MMAB: variants seen among roughly 807,000 people sequenced by gnomAD.
The protein encoded by MMAB is corrinoid adenosyltransferase MMAB.
Under a neutral mutation model 30.6 loss-of-function variants are expected in MMAB, and 17 were observed. That is an observed-to-expected ratio of 0.56 (90% CI 0.38 to 0.83). The LOEUF is 0.83. Ranked by LOEUF, MMAB falls within the 40% of genes least tolerant of loss-of-function variation. The pLI, the probability that MMAB is intolerant of heterozygous loss-of-function variation, is 0.00. For missense variants in MMAB, 311 were observed against 331.6 expected (o/e 0.94, Z 0.48); for synonymous variants, 134 against 138.6 (o/e 0.97, Z 0.23).
rs1265286377 is a variant in MMAB at position 109,561,612 on chromosome 12, C to T, written c.422-95G>A. ...CCGCCGCCCTTCCACCTGGGTGTCC[C>T]GCAGACTGCTTCCACTGGCTCAGAA... On this transcript the variant is annotated intron_variant, in intron 5 of 8. Transcript: ENST00000545712. The surrounding 1 kb of genome is among the most constrained non-coding windows in gnomAD (Gnocchi z 5.3). The T allele has an allele frequency of 2.0e-5, 25 of 1,265,952 alleles. No individual in the cohort carries two copies. Among genetic ancestry groups the T allele is most frequent in the East Asian group, 1.3e-4 (5 of 39,658 alleles). The allele number at this position is 1,265,952 out of a possible 1,614,324, so 78.4% of individuals were successfully genotyped here.
rs1592997663 is a variant in MMAB, at chr12:109,561,041, G to GTC, written c.581_582dup (p.Arg195AspfsTer20). On this transcript the variant is annotated frameshift_variant and splice_region_variant, in exon 7 of 9. Coordinates refer to ENST00000545712, the MANE Select transcript of MMAB (RefSeq NM_052845.4). LOFTEE classifies it high-confidence loss of function. This position sits in a 1 kb window ranked among gnomAD's most constrained non-coding sequence, Gnocchi z 5.3. Reference sequence around the variant, plus strand: ...TCTCCCTCTCTCCAGCCCTCTTACCGTCTCTCGGCCCGGCGGCACACGGCC... The same window carrying GTC: ...TCTCCCTCTCTCCAGCCCTCTTACCGTCTCTCTCGGCCCGGCGGCACACGGCC... The GTC allele has an allele frequency of 6.9e-7, 1 of 1,439,994 alleles. No individual in the cohort carries two copies. The highest frequency in any genetic ancestry group is 1.1e-5 in the South Asian group (1 of 88,694). The allele number at this position is 1,439,994 out of a possible 1,614,324, so 89.2% of individuals were successfully genotyped here.
chr12:109,564,906 G>T, intron 4 of MMAB: 1 of 655,918 alleles, frequency 1.5e-6, no homozygotes, highest in South Asian at 1.7e-5. Flanking sequence ...GGCCTCAAGT[G>T]ATCTTCCTGC....
At position 109,569,300 on chromosome 12, in the gene MMAB, G is replaced by A. The variant is rs999654267; in HGVS notation, c.197-437C>T. Among the ~76,000 whole-genome samples, 3 of 152,068 alleles carry A rather than the reference G, an allele frequency of 2.0e-5. No homozygotes were observed. The highest frequency in any genetic ancestry group is 4.8e-5 in the African/African-American group (2 of 41,406). ...ATATACACAGAAAAGTGCTCAAATC[G>A]TAAGTGTGCAAGTTGGTGAATTACT... is the stretch of plus-strand genomic sequence containing the variant. On this transcript the variant is annotated intron_variant, in intron 2 of 8. Coordinates refer to ENST00000545712, the MANE Select transcript of MMAB (RefSeq NM_052845.4). The surrounding 1 kb of genome is among the most constrained non-coding windows in gnomAD (Gnocchi z 4.1).
chr12:109,567,172 GAA>G (rs111916724), intron 3 of MMAB: 3,607 of 307,368 alleles, frequency 0.012, no homozygotes, highest in South Asian at 0.019. Flanking sequence ...CTCCGTCTCG[GAA>G]AAAAAAAAAA....
At chr12:109,557,526 A>G (rs1032952672) in intron 8 of MMAB, among the ~76,000 whole-genome samples, 1 of 152,084 alleles carries the variant, frequency 6.6e-6, no homozygotes, top group Admixed American at 6.5e-5. Flanking sequence ...AGGGGATCTC[A>G]GCGACGTGCA....
intron 1 of MMAB, 195 bp downstream of exon 1, chr12:109,573,152 C>G (rs1884716372): frequency 2.9e-6 from 2 of 683,420 alleles, no homozygotes; most frequent in Non-Finnish European, 5.1e-6. Flanking sequence ...GATAGCGGGA[C>G]TTCATTGGGA....
intron 3 of MMAB, chr12:109,567,183 AAAAG>A: frequency 7.6e-6 from 3 of 394,796 alleles, no homozygotes; most frequent in Middle Eastern, 8.9e-4. Flanking sequence ...AAAAAAAAAA[AAAAG>A]AAGAGTGATA....
chr12:109,569,377 G>A lies in MMAB; in HGVS notation c.197-514C>T, dbSNP rs1164112121. ...GCACCTAGCTTCATAAACAGAACAT[G>A]AGCAACACCCTGAAAGCCCCCATGT... On this transcript the variant is annotated intron_variant, in intron 2 of 8. Coordinates refer to ENST00000545712, the MANE Select transcript of MMAB (RefSeq NM_052845.4). This position sits in a 1 kb window ranked among gnomAD's most constrained non-coding sequence, Gnocchi z 4.1. Among the ~76,000 whole-genome samples the A allele has an allele frequency of 6.6e-6, 1 of 152,042 alleles. No individual in the cohort carries two copies. The highest frequency in any genetic ancestry group is 1.9e-4 in the East Asian group (1 of 5,182).
At position 109,555,886 on chromosome 12, in the gene MMAB, C is replaced by A. The variant is rs1883954896; in HGVS notation, c.*1142G>T. The A allele has an allele frequency of 2.2e-6, 1 of 454,070 alleles. No homozygotes were observed. The highest frequency in any genetic ancestry group is 2.3e-5 in the Admixed American group (1 of 42,570). The allele number at this position is 454,070 out of a possible 1,614,324, so 28.1% of individuals were successfully genotyped here. A position where few individuals can be genotyped will look rare whatever the true frequency, so the allele number is the denominator to read the frequency against. ...CAGCAAGAAAGATGGCCGGAAAGAC[C>A]AGCTGTCCCGAGCCTAGCGCGGTGG... On this transcript the variant is annotated 3_prime_UTR_variant, in exon 9 of 9. Transcript: ENST00000545712.
At chr12:109,567,260 C>T in intron 3 of MMAB, 1 of 348,044 alleles carries the variant, frequency 2.9e-6, no homozygotes, top group South Asian at 2.3e-5. Context: ...GGAATCATCT[C>T]ATTTAAGCCC....
rs1555273932 is a variant in MMAB at position 109,556,646 on chromosome 12, T to TCACA, written c.*381_*382insTGTG. 113 of 427,766 alleles carry TCACA rather than the reference T, an allele frequency of 2.6e-4. No individual in the cohort carries two copies. The highest frequency in any genetic ancestry group is 1.6e-3 in the African/African-American group (64 of 39,536). 26.5% of individuals were successfully genotyped at this position (427,766 alleles called of 1,614,324 possible). Reference sequence around the variant, plus strand: ...CTGAGCTGGCAGTGGGAGGGCTCTCTCTCACACACACACACACACACACAC... The same window carrying TCACA: ...CTGAGCTGGCAGTGGGAGGGCTCTCTCACACTCACACACACACACACACACACAC... On this transcript the variant is annotated 3_prime_UTR_variant, in exon 9 of 9. Coordinates refer to ENST00000545712, the MANE Select transcript of MMAB (RefSeq NM_052845.4).
rs1017154061 is a variant in MMAB at position 109,561,290 on chromosome 12, A to T, written c.519+130T>A. 5.7e-6 allele frequency: 9 copies of T among 1,566,782 alleles called. No individual in the cohort carries two copies. Among genetic ancestry groups the T allele is most frequent in the Non-Finnish European group, 7.7e-6 (9 of 1,163,834 alleles). ...GCAGGGCTGGGAGGGACCGGTGAGGACCTGGAGGGACTTGGGGAACTGGAG... is the reference window on the plus strand; with the variant it reads ...GCAGGGCTGGGAGGGACCGGTGAGGTCCTGGAGGGACTTGGGGAACTGGAG... On this transcript the variant is annotated intron_variant, in intron 6 of 8. Transcript: ENST00000545712. The surrounding 1 kb of genome is among the most constrained non-coding windows in gnomAD (Gnocchi z 5.3).
chr12:109,554,634 G>C lies in MMAB; in HGVS notation c.*2394C>G, dbSNP rs77111225. The C allele has an allele frequency of 2.2e-6, 1 of 454,120 alleles. No homozygotes were observed. Among genetic ancestry groups the C allele is most frequent in the Admixed American group, 2.3e-5 (1 of 42,578 alleles). 28.1% of individuals were successfully genotyped at this position (454,120 alleles called of 1,614,324 possible). ...GTGGTGTGCAAACACTGGGGCAGCG[G>C]GGGCTTCGCAGTCACATTTCCTGAC... On this transcript the variant is annotated 3_prime_UTR_variant, in exon 9 of 9. Transcript: ENST00000545712.
In MMAB at chr12:109,561,846, A is replaced by G. The variant is rs1884224138; in HGVS notation, c.355T>C (p.Cys119Arg). 4.4e-6 allele frequency: 7 copies of G among 1,605,778 alleles called. No homozygotes were observed. Among genetic ancestry groups the G allele is most frequent in the Non-Finnish European group, 6.0e-6 (7 of 1,175,592 alleles). ...TFAEELQKIQ[C>R]TLQDVGSALA... ...GCCGAGCCGACGTCCTGCAATGTGCACTGGATCTGGGGGGCGACAGAAAGT... is the reference window on the plus strand; with the variant it reads ...GCCGAGCCGACGTCCTGCAATGTGCGCTGGATCTGGGGGGCGACAGAAAGT... Residue 119 changes from cysteine (C) to arginine (R), a missense_variant, in exon 5 of 9, where the codon TGC becomes CGC. Physicochemically the swap from Cys to Arg is radical, Grantham distance 180 (BLOSUM62 -3). Transcript: ENST00000545712. The surrounding 1 kb of genome is among the most constrained non-coding windows in gnomAD (Gnocchi z 5.3).
rs776518087 is a variant in MMAB, at chr12:109,554,339, G to C, written c.*2689C>G. On this transcript the variant is annotated 3_prime_UTR_variant, in exon 9 of 9. Transcript: ENST00000545712. ...CTTCTCTCTGACACAAGAGCCAACT[G>C]CCAGCTTGTCTCTGGAAATGACACT... 2.2e-5 allele frequency: 10 copies of C among 453,992 alleles called. No homozygotes were observed. Among genetic ancestry groups the C allele is most frequent in the Non-Finnish European group, 3.5e-5 (8 of 226,822 alleles). 28.1% of individuals were successfully genotyped at this position (453,992 alleles called of 1,614,324 possible).
In MMAB at chr12:109,561,459, G is replaced by T; in HGVS notation, c.480C>A (p.Tyr160Ter). 1 of 1,550,668 alleles carries T rather than the reference G, an allele frequency of 6.4e-7. No homozygotes were observed. Residue 160 changes from tyrosine (Y) to a stop codon, truncating the protein, a stop_gained, in exon 6 of 9, where the codon TAC (tyrosine) becomes TAA (stop). Transcript: ENST00000545712. LOFTEE classifies it high-confidence loss of function. The surrounding 1 kb of genome is among the most constrained non-coding windows in gnomAD (Gnocchi z 5.3). ...CCGTGAGTGGTGGGAGCTGGCTGGT[G>T]TACTTGTCGATCCACTGCTCCAGCT... ...ILELEQWIDK[Y>*]TSQLPPLTAF...
chr12:109,563,863 G>A (rs1482419420), intron 4 of MMAB, among the ~76,000 whole-genome samples: 1 of 152,218 alleles, frequency 6.6e-6, no homozygotes, highest in East Asian at 1.9e-4. Flanking sequence ...GACCCTGCGG[G>A]GAGCGGTTTC....
rs1566130508 is a variant in MMAB, at chr12:109,558,119, C to T, written c.644+977G>A. Among the ~76,000 whole-genome samples the T allele has an allele frequency of 2.6e-5, 4 of 152,160 alleles. No homozygotes were observed. The highest frequency in any genetic ancestry group is 6.5e-5 in the Admixed American group (1 of 15,286). ...CCTGACTCAGGCCCCCTGGGCCCCA[C>T]GGCTGGCTCTCAGGAAGAGCGAAGG... On this transcript the variant is annotated intron_variant, in intron 8 of 8. Coordinates refer to ENST00000545712, the MANE Select transcript of MMAB (RefSeq NM_052845.4). This position sits in a 1 kb window ranked among gnomAD's most constrained non-coding sequence, Gnocchi z 4.3.
At position 109,558,021 on chromosome 12, in the gene MMAB, C is replaced by T. The variant is rs941638470; in HGVS notation, c.645-885G>A. Among the ~76,000 whole-genome samples, 9 of 152,252 alleles carry T rather than the reference C, an allele frequency of 5.9e-5. No individual in the cohort carries two copies. The highest frequency in any genetic ancestry group is 2.6e-4 in the Admixed American group (4 of 15,292). On this transcript the variant is annotated intron_variant, in intron 8 of 8. Transcript: ENST00000545712. The surrounding 1 kb of genome is among the most constrained non-coding windows in gnomAD (Gnocchi z 4.3). Reference sequence around the variant, plus strand: ...GTTTCACTCCCAGCACGAGGCACCACGTTCCTCCCTCTCTCTCTGCCCCAG... The same window carrying T: ...GTTTCACTCCCAGCACGAGGCACCATGTTCCTCCCTCTCTCTCTGCCCCAG...
Sources: allele counts gnomAD v4.1 joint callset (sites outside exome capture counted in the v4.1 genomes callset), GRCh38; gene constraint gnomAD v4.1.1; non-coding constraint Gnocchi (gnomAD v3.1); transcripts MANE v1.5; gene names NCBI Gene and HGNC (gene_info 2026-07-23, HGNC 2026-07-21).